C1QTNF2: variants seen among roughly 807,000 people sequenced by gnomAD.
C1QTNF2 encodes the protein C1q and TNF related 2, also known as complement C1q tumor necrosis factor-related protein 2.
Under a neutral mutation model 17.4 loss-of-function variants are expected in C1QTNF2, and 15 were observed. The ratio of observed to expected loss-of-function variants is 0.86; its 90% CI spans 0.58 to 1.33. The LOEUF is 1.33. C1QTNF2 is among the 40% of genes most tolerant of loss of function. C1QTNF2 has a pLI of 0.00. For synonymous variants in C1QTNF2, 154 were observed against 163.3 expected (o/e 0.94, Z 0.44); for missense variants, 381 against 392.3 (o/e 0.97, Z 0.24).
intron 1 of C1QTNF2, 95 bp downstream of exon 1, chr5:160,370,417 C>CAG (rs1764332791): frequency 7.4e-7 from 1 of 1,347,802 alleles, no homozygotes; most frequent in Non-Finnish European, 9.5e-7. Flanking sequence ...TCCCACCTTC[C>CAG]GCATCCCGCC....
At chr5:160,351,871 T>C (rs966892790) in intron 2 of C1QTNF2, among the ~76,000 whole-genome samples, 1 of 146,228 alleles carries the variant, frequency 6.8e-6, no homozygotes, top group Admixed American at 6.8e-5. Flanking sequence ...AAACAAAAGG[T>C]GGGAAAAGGG....
chr5:160,357,451 T>C (rs1248907538), intron 1 of C1QTNF2, among the ~76,000 whole-genome samples: 1 of 152,220 alleles, frequency 6.6e-6, no homozygotes, highest in Non-Finnish European at 1.5e-5. Context: ...ATGGAAATGT[T>C]ACATGAATGA....
At chr5:160,370,398 T>C (rs1342975193) in intron 1 of C1QTNF2, 114 bp downstream of exon 1, 20 of 1,298,484 alleles carry the variant, frequency 1.5e-5, no homozygotes, top group South Asian at 1.9e-5. Context: ...AAAGGCGCGC[T>C]GGCAGCTCTC....
rs1294658428 is a variant in C1QTNF2 at position 160,349,293 on chromosome 5, C to A, written c.733G>T (p.Asp245Tyr). ...GSTILALKQG[D>Y]EVWLQIFYSE... ...TAGAAGATCTGCAGCCAAACTTCGT[C>A]ACCCTGCTTGAGAGCCAGGATGGTG... Residue 245 changes from aspartate to tyrosine, a missense_variant, in exon 3 of 3, where the codon GAC becomes TAC. By Grantham distance (160) the Asp-to-Tyr change is radical. Coordinates refer to ENST00000652664, the MANE Select transcript of C1QTNF2 (RefSeq NM_031908.6). The surrounding 1 kb of genome is among the most constrained non-coding windows in gnomAD (Gnocchi z 4.3). 1 of 1,614,086 alleles carries A rather than the reference C, an allele frequency of 6.2e-7. No individual in the cohort carries two copies. The highest frequency in any genetic ancestry group is 2.2e-5 in the East Asian group (1 of 44,866).
At chr5:160,365,750 A>C (rs1208715287) in intron 1 of C1QTNF2, among the ~76,000 whole-genome samples, 5 of 152,212 alleles carry the variant, frequency 3.3e-5, no homozygotes, top group African/African-American at 9.6e-5. Context: ...GTATGGTCTT[A>C]TTTGAATTTG....
chr5:160,355,601 G>A (rs1764033236), intron 1 of C1QTNF2, among the ~76,000 whole-genome samples: 1 of 152,178 alleles, frequency 6.6e-6, no homozygotes, highest in Admixed American at 6.5e-5. Flanking sequence ...CATGTGCTAA[G>A]AGCTTTCCAT....
chr5:160,352,764 ATAGT>A (rs1763950862), intron 2 of C1QTNF2, among the ~76,000 whole-genome samples: 1 of 152,210 alleles, frequency 6.6e-6, no homozygotes, highest in Non-Finnish European at 1.5e-5. Flanking sequence ...TAAAGCTATG[ATAGT>A]TACTTTTATA....
Position 160,348,531 on chromosome 5 carries a change from A to G in C1QTNF2, c.*637T>C, listed in dbSNP as rs552026212. 2.0e-5 allele frequency: 3 copies of G among 152,210 alleles called. No homozygotes were observed. The East Asian group carries it at 5.8e-4, about 29-fold the overall frequency. 9.4% of individuals were successfully genotyped at this position (152,210 alleles called of 1,614,324 possible). ...TGTGTTGCTCTATTTCCTTCTTTGG[A>G]ACTCAGCTCAAAAATGGAAATTTTC... On this transcript the variant is annotated 3_prime_UTR_variant, in exon 3 of 3. Coordinates refer to ENST00000652664, the MANE Select transcript of C1QTNF2 (RefSeq NM_031908.6).
At chr5:160,354,597 A>ATATAT (rs769774870) in intron 2 of C1QTNF2, among the ~76,000 whole-genome samples, 171 bp downstream of exon 2, 34 of 89,254 alleles carry the variant, frequency 3.8e-4, no homozygotes, top group African/African-American at 6.8e-4. Flanking sequence ...AAAAAAAAAA[A>ATATAT]GTATATATAT....
At chr5:160,368,258 G>A (rs943807533) in intron 1 of C1QTNF2, among the ~76,000 whole-genome samples, 3 of 152,210 alleles carry the variant, frequency 2.0e-5, no homozygotes, top group African/African-American at 7.2e-5. Context: ...AATGGGCTGG[G>A]CGCGGTGGCT....
Position 160,354,772 on chromosome 5 carries a change from C to T in C1QTNF2, c.240G>A (p.Glu80=). 1 of 1,613,736 alleles carries T rather than the reference C, an allele frequency of 6.2e-7. No individual in the cohort carries two copies. The highest frequency in any genetic ancestry group is 8.5e-7 in the Non-Finnish European group (1 of 1,179,942). Residue 80 remains glutamate, a synonymous_variant, in exon 2 of 3, where the codon GAG becomes GAA. Transcript: ENST00000652664. ...TGGCACGTATAGGCCTCTTACCTTC[C>T]TCTCCGCTGTCCCCCCGGTCGCCGT... ...GHDGDRGDSG[E]EGPPGRTGNR...
In C1QTNF2 at chr5:160,349,716, G is replaced by A. The variant is rs766351381; in HGVS notation, c.310C>T (p.Arg104Trp). Residue 104 changes from arginine (R) to tryptophan (W), a missense_variant, in exon 3 of 3, where the codon CGG becomes TGG. Physicochemically the swap from Arg to Trp is moderately radical, Grantham distance 101. Coordinates refer to ENST00000652664, the MANE Select transcript of C1QTNF2 (RefSeq NM_031908.6). This position sits in a 1 kb window ranked among gnomAD's most constrained non-coding sequence, Gnocchi z 4.3. Reference protein sequence around the residue: ...GPKGKAGAIGRAGPRGPKGVN... With the variant: ...GPKGKAGAIGWAGPRGPKGVN... ...CCCTTGGGGCCACGGGGGCCAGCCCGCCCAATGGCCCCGGCTTTGCCCTTT... is the reference window on the plus strand; with the variant it reads ...CCCTTGGGGCCACGGGGGCCAGCCCACCCAATGGCCCCGGCTTTGCCCTTT... The A allele has an allele frequency of 2.7e-5, 43 of 1,572,898 alleles. No homozygotes were observed. The highest frequency in any genetic ancestry group is 3.4e-5 in the Non-Finnish European group (40 of 1,165,272).
At chr5:160,362,758 A>T (rs1561827336) in intron 1 of C1QTNF2, among the ~76,000 whole-genome samples, 1 of 152,194 alleles carries the variant, frequency 6.6e-6, no homozygotes, top group Non-Finnish European at 1.5e-5. Flanking sequence ...TGGATTCTGA[A>T]GACTGGGGTC....
At position 160,349,778 on chromosome 5, in the gene C1QTNF2, G is replaced by A. The variant is rs769535906; in HGVS notation, c.248C>T (p.Pro83Leu). The change falls in exon 3 of 3, where the codon CCA becomes CTA. Residue 83 changes from proline to leucine, a missense_variant. Pro to Leu is a moderately conservative substitution (Grantham distance 98). Coordinates refer to ENST00000652664, the MANE Select transcript of C1QTNF2 (RefSeq NM_031908.6). This position sits in a 1 kb window ranked among gnomAD's most constrained non-coding sequence, Gnocchi z 4.3. ...GDRGDSGEEG[P>L]PGRTGNRGKP... Reference sequence around the variant, plus strand: ...TCCCCGGTTACCTGTCCGGCCAGGTGGACCTGGAAGACAGAGCAGCTGGTG... The same window carrying A: ...TCCCCGGTTACCTGTCCGGCCAGGTAGACCTGGAAGACAGAGCAGCTGGTG... The A allele has an allele frequency of 2.0e-6, 3 of 1,520,560 alleles. No individual in the cohort carries two copies. The highest frequency in any genetic ancestry group is 4.4e-5 in the Admixed American group (2 of 45,388). 94.2% of individuals were successfully genotyped at this position (1,520,560 alleles called of 1,614,324 possible).
At chr5:160,352,155 T>A (rs960049179) in intron 2 of C1QTNF2, among the ~76,000 whole-genome samples, 1 of 152,136 alleles carries the variant, frequency 6.6e-6, no homozygotes, top group African/African-American at 2.4e-5. Context: ...CCAGTACTCT[T>A]GCCTTGGCCT....
intron 1 of C1QTNF2, among the ~76,000 whole-genome samples, chr5:160,363,746 C>T (rs1764196769): frequency 6.6e-6 from 1 of 152,222 alleles, no homozygotes; most frequent in East Asian, 1.9e-4. Context: ...GGGCAAGAGT[C>T]AGGCTCTGGA....
intron 2 of C1QTNF2, 40 bp downstream of exon 2, chr5:160,354,728 A>C: frequency 6.2e-7 from 1 of 1,611,484 alleles, no homozygotes; most frequent in Non-Finnish European, 8.5e-7. Context: ...GGATGCTGTC[A>C]GCCAGGTGGG....
intron 1 of C1QTNF2, among the ~76,000 whole-genome samples, chr5:160,358,129 A>G (rs1764085514): frequency 1.3e-5 from 2 of 152,256 alleles, no homozygotes; most frequent in South Asian, 2.1e-4. Context: ...TGAGACACAC[A>G]GGGAGGAAGC....
At chr5:160,353,788 CTTTTTTTTTTTT>C (rs200777932) in intron 2 of C1QTNF2, among the ~76,000 whole-genome samples, 10 of 85,964 alleles carry the variant, frequency 1.2e-4, no homozygotes, top group East Asian at 4.0e-4. Context: ...ACTTCTCAGG[CTTTTTTTTTTTT>C]TTTTTTTTTT....
Sources: allele counts gnomAD v4.1 joint callset (sites outside exome capture counted in the v4.1 genomes callset), GRCh38; gene constraint gnomAD v4.1.1; non-coding constraint Gnocchi (gnomAD v3.1); transcripts MANE v1.5; gene names NCBI Gene and HGNC (gene_info 2026-07-23, HGNC 2026-07-21).